Variants in PSTPIP2 observed in about 807,000 individuals in gnomAD.
PSTPIP2 encodes proline-serine-threonine phosphatase interacting protein 2, also known as proline-serine-threonine phosphatase-interacting protein 2.
In PSTPIP2, 33 loss-of-function variants were observed where a neutral mutation model predicts 63.3. The observed-to-expected ratio is 0.52, with a 90% confidence interval of 0.40 to 0.70. The LOEUF (loss-of-function observed/expected upper bound fraction) is 0.70. Among genes scored for constraint, PSTPIP2 ranks in the 30% least tolerant of loss-of-function variants. The probability of loss-of-function intolerance (pLI) is 0.00; values close to 1 mark genes in which losing one functional copy is unlikely to be tolerated. For missense variants in PSTPIP2, 312 were observed against 400.7 expected (o/e 0.78, Z 1.89); for synonymous variants, 125 against 132.7 (o/e 0.94, Z 0.40).
At chr18:46,069,691 C>T (rs980604225) in intron 1 of PSTPIP2, among the ~76,000 whole-genome samples, 2 of 152,208 alleles carry the variant, frequency 1.3e-5, no homozygotes, top group Non-Finnish European at 2.9e-5. Flanking sequence ...TGTATTGACT[C>T]ATACTTTTTC....
At chr18:45,992,547 T>A (rs2051547937) in intron 10 of PSTPIP2, among the ~76,000 whole-genome samples, 1 of 147,010 alleles carries the variant, frequency 6.8e-6, no homozygotes, top group Non-Finnish European at 1.5e-5. Flanking sequence ...CAGGCGACAG[T>A]GCGAGACTCC....
intron 5 of PSTPIP2, among the ~76,000 whole-genome samples, chr18:46,009,528 G>A (rs2144080541): frequency 6.6e-6 from 1 of 152,260 alleles, no homozygotes; most frequent in Admixed American, 6.5e-5. Flanking sequence ...AGAATAAAGG[G>A]AACTTAGAGG....
intron 5 of PSTPIP2, 77 bp from the exon 6 acceptor site, chr18:46,005,608 GCTTAT>G (rs2051717206): frequency 3.6e-6 from 4 of 1,103,616 alleles, no homozygotes; most frequent in Non-Finnish European, 5.2e-6. Context: ...ATCAATACCA[GCTTAT>G]CTTGAGGGTT....
Position 46,015,908 on chromosome 18 carries a change from T to G in PSTPIP2, c.242A>C (p.Lys81Thr). Residue 81 changes from lysine to threonine, a missense_variant, in exon 4 of 15, where the codon AAG becomes ACG. Transcript: ENST00000409746. ...TTAAAAAAAAAATCACTTACGCTGCTTGAAGACTTCAAGGGCCCGCTTCAG... is the reference window on the plus strand; with the variant it reads ...TTAAAAAAAAAATCACTTACGCTGCGTGAAGACTTCAAGGGCCCGCTTCAG... Reference protein sequence around the residue: ...NTLKRALEVFKQQVDNVAQCH... With the variant: ...NTLKRALEVFTQQVDNVAQCH... The G allele has an allele frequency of 1.2e-6, 2 of 1,612,330 alleles. No individual in the cohort carries two copies. Among genetic ancestry groups the G allele is most frequent in the Non-Finnish European group, 1.7e-6 (2 of 1,179,014 alleles).
chr18:45,995,999 A>G (rs1398505021), intron 9 of PSTPIP2, among the ~76,000 whole-genome samples: 1 of 152,178 alleles, frequency 6.6e-6, no homozygotes, highest in African/African-American at 2.4e-5. Flanking sequence ...TATTTTTAGT[A>G]GAGACTGGGT....
At chr18:46,029,288 T>C in intron 2 of PSTPIP2, 1 of 1,442,302 alleles carries the variant, frequency 6.9e-7, no homozygotes, top group Non-Finnish European at 9.8e-7. Flanking sequence ...TAAATGGCAT[T>C]GCTGGGTATT....
intron 5 of PSTPIP2, among the ~76,000 whole-genome samples, chr18:46,006,791 G>C (rs1568214129): frequency 6.6e-6 from 1 of 152,206 alleles, no homozygotes; most frequent in Non-Finnish European, 1.5e-5. Flanking sequence ...TAATAATAAA[G>C]ATGTACCTCC....
At chr18:46,057,915 G>GT (rs1908825361) in intron 1 of PSTPIP2, among the ~76,000 whole-genome samples, 1 of 150,790 alleles carries the variant, frequency 6.6e-6, no homozygotes, top group Admixed American at 6.6e-5. Flanking sequence ...GGAGAATGGC[G>GT]TGAACCCGGG....
intron 6 of PSTPIP2, among the ~76,000 whole-genome samples, chr18:46,000,053 C>T (rs140089838): frequency 2.6e-5 from 4 of 152,254 alleles, no homozygotes; most frequent in East Asian, 1.9e-4. Flanking sequence ...CTGGGAGGGT[C>T]GCTTGTGCCC....
chr18:46,046,303 C>T (rs1908381922), intron 1 of PSTPIP2, among the ~76,000 whole-genome samples: 1 of 152,224 alleles, frequency 6.6e-6, no homozygotes, highest in Non-Finnish European at 1.5e-5. Context: ...CCCGCAGTCT[C>T]CAAAGCCACC....
At chr18:46,048,538 G>A (rs1908462964) in intron 1 of PSTPIP2, among the ~76,000 whole-genome samples, 1 of 152,184 alleles carries the variant, frequency 6.6e-6, no homozygotes, top group African/African-American at 2.4e-5. Context: ...CGTGCCTTCT[G>A]TTACTGAGAT....
At chr18:45,992,359 G>A (rs4121893) in intron 10 of PSTPIP2, among the ~76,000 whole-genome samples, 157 bp from the exon 11 acceptor site, 36,425 of 151,582 alleles carry the variant, frequency 0.24, 6,252 homozygotes, top group African/African-American at 0.47. Context: ...TCAGGAGTTC[G>A]AGACCAGCCT....
In PSTPIP2 at chr18:46,039,943, G is replaced by C; in HGVS notation, c.134+4C>G. ...TCTTCAGAGAGGACAGAGCATCATC[G>C]TACCTTTCTTTTAGAAAGTCTTCAA... On this transcript the variant is annotated splice_donor_region_variant and intron_variant, in intron 2 of 14. Transcript: ENST00000409746. 1 of 1,604,068 alleles carries C rather than the reference G, an allele frequency of 6.2e-7. No homozygotes were observed. Among genetic ancestry groups the C allele is most frequent in the Non-Finnish European group, 8.5e-7 (1 of 1,170,960 alleles).
intron 14 of PSTPIP2, among the ~76,000 whole-genome samples, chr18:45,986,937 G>A (rs7244785): frequency 0.25 from 37,471 of 152,000 alleles, 6,760 homozygotes; most frequent in African/African-American, 0.49. Flanking sequence ...TCCTGGGTTC[G>A]AGTGATTCTC....
At chr18:45,990,917 C>T (rs80225106) in intron 12 of PSTPIP2, among the ~76,000 whole-genome samples, 161 bp from the exon 13 acceptor site, 4 of 152,244 alleles carry the variant, frequency 2.6e-5, no homozygotes, top group Admixed American at 1.3e-4. Flanking sequence ...CACTGACCTA[C>T]GGAAATCTAA....
chr18:46,046,346 G>T (rs117127358), intron 1 of PSTPIP2, among the ~76,000 whole-genome samples: 4 of 152,202 alleles, frequency 2.6e-5, no homozygotes, highest in African/African-American at 9.7e-5. Context: ...CTGAGCATCC[G>T]CACATCTAGT....
rs191260579 is a variant in PSTPIP2, at chr18:46,065,489, C to T, written c.33+6667G>A. Among the ~76,000 whole-genome samples the T allele has an allele frequency of 1.3e-4, 20 of 151,226 alleles. 1 individual carries two copies. The highest frequency in any genetic ancestry group is 4.4e-4 in the African/African-American group (18 of 41,200). On this transcript the variant is annotated intron_variant, in intron 1 of 14. Coordinates refer to ENST00000409746, the MANE Select transcript of PSTPIP2 (RefSeq NM_024430.4). ...TTTCGGTTGTTTGTTTGTTTTGAGA[C>T]GGAGTCTCACTCTGTTGCCCAGGCT...
At chr18:46,070,500 T>C (rs1342225352) in intron 1 of PSTPIP2, among the ~76,000 whole-genome samples, 1 of 152,236 alleles carries the variant, frequency 6.6e-6, no homozygotes, top group African/African-American at 2.4e-5. Flanking sequence ...TTGTGTTGTT[T>C]GGTTGGGTTT....
At position 46,049,509 on chromosome 18, in the gene PSTPIP2, CAAAT is replaced by C. The variant is rs200214175; in HGVS notation, c.34-9466_34-9463del. ...ATATTCAAACAATGTAAAAAGATGA[CAAAT>C]AAGGAGGAAAAAAGAGCAATAATAT... On this transcript the variant is annotated intron_variant, in intron 1 of 14. Transcript: ENST00000409746. Among the ~76,000 whole-genome samples, 1,169 of 151,716 alleles carry C rather than the reference CAAAT, an allele frequency of 7.7e-3. 6 individuals are homozygous for C. Among genetic ancestry groups the C allele is most frequent in the African/African-American group, 0.026 (1,095 of 41,374 alleles).
Sources: allele counts gnomAD v4.1 joint callset (sites outside exome capture counted in the v4.1 genomes callset), GRCh38; gene constraint gnomAD v4.1.1; transcripts MANE v1.5; gene names NCBI Gene and HGNC (gene_info 2026-07-23, HGNC 2026-07-21).